OR5AK2: variants seen among roughly 807,000 people sequenced by gnomAD.
The protein encoded by OR5AK2 is olfactory receptor 5AK2.
For missense variants in OR5AK2, 438 were observed against 366.3 expected (o/e 1.20, Z -1.60); for synonymous variants, 176 against 128.2 (o/e 1.37, Z -2.52).
In OR5AK2 at chr11:56,989,717, G is replaced by A. The variant is rs778709287; in HGVS notation, c.804G>A (p.Gln268=). 1.2e-6 allele frequency: 2 copies of A among 1,613,516 alleles called. No homozygotes were observed. The highest frequency in any genetic ancestry group is 1.7e-6 in the Non-Finnish European group (2 of 1,179,558). Residue 268 remains glutamine (Q), a synonymous_variant, in exon 1 of 1, where the codon CAG becomes CAA. Coordinates refer to ENST00000326855, the MANE Select transcript of OR5AK2 (RefSeq NM_001005323.1). ...TGCAGTCTCATTCTAATAATTCCCAGGAAAATATGAAAGTGGCCTTTATAT... is the reference window on the plus strand; with the variant it reads ...TGCAGTCTCATTCTAATAATTCCCAAGAAAATATGAAAGTGGCCTTTATAT... The part of the protein sequence containing the change: ...MYLQSHSNNS[Q]ENMKVAFIFY...
In OR5AK2 at chr11:56,989,550, G is replaced by C; in HGVS notation, c.637G>C (p.Val213Leu). ...ATCTAACTTGATATTCACTGGGTTG[G>C]TCGTCATCTTTTCCTACATCTACAT... ...VGSNLIFTGL[V>L]VIFSYIYIMA... The change falls in exon 1 of 1, where the codon GTC becomes CTC. Residue 213 changes from valine (V) to leucine (L), a missense_variant. Coordinates refer to ENST00000326855, the MANE Select transcript of OR5AK2 (RefSeq NM_001005323.1). 1 of 1,614,016 alleles carries C rather than the reference G, an allele frequency of 6.2e-7. No individual in the cohort carries two copies. The highest frequency in any genetic ancestry group is 8.5e-7 in the Non-Finnish European group (1 of 1,179,962).
chr11:56,989,405 T>C lies in OR5AK2; in HGVS notation c.492T>C (p.Cys164=). The C allele has an allele frequency of 1.2e-6, 2 of 1,614,174 alleles. No individual in the cohort carries two copies. The highest frequency in any genetic ancestry group is 1.7e-6 in the Non-Finnish European group (2 of 1,180,000). The change falls in exon 1 of 1, where the codon TGT becomes TGC. Residue 164 remains cysteine (C), a synonymous_variant. Transcript: ENST00000326855. ...INASVQTGFT[C]SLSFCKSNSI... is the part of the protein sequence containing the mutation. The stretch of plus-strand genomic sequence containing the variant: ...CCTCTGTACAAACAGGTTTTACATG[T>C]TCACTGTCCTTCTGCAAGTCCAATA...
rs368557075 is a variant in OR5AK2 at position 56,989,511 on chromosome 11, G to A, written c.598G>A (p.Val200Ile). Residue 200 changes from valine (V) to isoleucine (I), a missense_variant, in exon 1 of 1, where the codon GTT becomes ATT. Physicochemically the swap from Val to Ile is conservative, Grantham distance 29. Coordinates refer to ENST00000326855, the MANE Select transcript of OR5AK2 (RefSeq NM_001005323.1). ...TGTTGACATCAACATCATGCTACTT[G>A]TTGTCTTTGTGGGATCTAACTTGAT... ...SNVDINIMLLVVFVGSNLIFT... is the reference protein window; with the variant it reads ...SNVDINIMLLIVFVGSNLIFT... 7 of 1,613,952 alleles carry A rather than the reference G, an allele frequency of 4.3e-6. No individual in the cohort carries two copies. The highest frequency in any genetic ancestry group is 5.9e-6 in the Non-Finnish European group (7 of 1,179,978).
rs142758369 is a variant in OR5AK2, at chr11:56,989,553, G to A, written c.640G>A (p.Val214Ile). 807 of 1,613,994 alleles carry A rather than the reference G, an allele frequency of 5.0e-4. 6 individuals carry two copies. In the African/African-American group the frequency reaches 9.1e-3, roughly 18 times the overall value. The change falls in exon 1 of 1, where the codon GTC becomes ATC. Residue 214 changes from valine (V) to isoleucine (I), a missense_variant. Coordinates refer to ENST00000326855, the MANE Select transcript of OR5AK2 (RefSeq NM_001005323.1). The stretch of plus-strand genomic sequence containing the variant: ...TAACTTGATATTCACTGGGTTGGTC[G>A]TCATCTTTTCCTACATCTACATCAT... Reference protein sequence around the residue: ...GSNLIFTGLVVIFSYIYIMAT... With the variant: ...GSNLIFTGLVIIFSYIYIMAT...
At position 56,989,047 on chromosome 11, in the gene OR5AK2, T is replaced by C. The variant is rs778681599; in HGVS notation, c.134T>C (p.Ile45Thr). Residue 45 changes from isoleucine to threonine, a missense_variant, in exon 1 of 1, where the codon ATA (isoleucine) becomes ACA (threonine). Physicochemically the swap from Ile to Thr is moderately conservative, Grantham distance 89. Transcript: ENST00000326855. ...ACCTCCATAATGGGTAATAGTGGAA[T>C]AATCTTACTCATCAACACAGATTCC... is the stretch of plus-strand genomic sequence containing the variant. ...YVTSIMGNSG[I>T]ILLINTDSRF... The C allele has an allele frequency of 8.7e-6, 14 of 1,613,362 alleles. No homozygotes were observed. Among genetic ancestry groups the C allele is most frequent in the African/African-American group, 1.3e-5 (1 of 74,922 alleles).
chr11:56,989,192 A>G lies in OR5AK2; in HGVS notation c.279A>G (p.Leu93=), dbSNP rs750789364. ...QSFTEEKNLM[L]FQGCVIQFLV... is the part of the protein sequence containing the mutation. The stretch of plus-strand genomic sequence containing the variant: ...TCACAGAAGAAAAGAATTTGATGTT[A>G]TTTCAGGGCTGTGTGATACAATTCT... Residue 93 remains leucine, a synonymous_variant, in exon 1 of 1, where the codon TTA becomes TTG. Transcript: ENST00000326855. 59 of 1,613,966 alleles carry G rather than the reference A, an allele frequency of 3.7e-5. No homozygotes were observed. Among genetic ancestry groups the G allele is most frequent in the Non-Finnish European group, 4.7e-5 (56 of 1,179,966 alleles).
rs1408520323 is a variant in OR5AK2, at chr11:56,989,053, T to C, written c.140T>C (p.Leu47Ser). 6 of 1,613,956 alleles carry C rather than the reference T, an allele frequency of 3.7e-6. No individual in the cohort carries two copies. The highest frequency in any genetic ancestry group is 5.1e-6 in the Non-Finnish European group (6 of 1,179,826). ...TSIMGNSGII[L>S]LINTDSRFQT... ...ATAATGGGTAATAGTGGAATAATCT[T>C]ACTCATCAACACAGATTCCAGATTT... Residue 47 changes from leucine to serine, a missense_variant, in exon 1 of 1, where the codon TTA (leucine) becomes TCA (serine). Coordinates refer to ENST00000326855, the MANE Select transcript of OR5AK2 (RefSeq NM_001005323.1).
rs1205745440 is a variant in OR5AK2 at position 56,989,240 on chromosome 11, C to T, written c.327C>T (p.Thr109=). ...IQFLVYATFA[T]SDCYLLAMMA... is the part of the protein sequence containing the mutation. ...TCTTAGTTTATGCAACATTTGCAAC[C>T]AGTGACTGTTATCTCCTGGCTATGA... The change falls in exon 1 of 1, where the codon ACC becomes ACT. Residue 109 remains threonine (T), a synonymous_variant. Transcript: ENST00000326855. The T allele has an allele frequency of 6.2e-7, 1 of 1,613,952 alleles. No homozygotes were observed. The highest frequency in any genetic ancestry group is 8.5e-7 in the Non-Finnish European group (1 of 1,179,846).
At position 56,989,834 on chromosome 11, in the gene OR5AK2, GTTA is replaced by G; in HGVS notation, c.924_926del (p.Leu308del). On this transcript the variant is annotated inframe_deletion, in exon 1 of 1. Transcript: ENST00000326855. ...AAGCTTTAAAAGTGATAGGGAAAAA[GTTA>G]TTTTAAATCAGCCCCAGTTGTTAAC... The G allele has an allele frequency of 6.4e-7, 1 of 1,568,486 alleles. No homozygotes were observed. The highest frequency in any genetic ancestry group is 8.7e-7 in the Non-Finnish European group (1 of 1,154,504).
Position 56,989,543 on chromosome 11 carries a change from T to C in OR5AK2, c.630T>C (p.Thr210=), listed in dbSNP as rs142732231. 400 of 1,614,170 alleles carry C rather than the reference T, an allele frequency of 2.5e-4. 1 individual carries two copies. In the African/African-American group the frequency reaches 5.0e-3, roughly 20 times the overall value. ...VVFVGSNLIF[T]GLVVIFSYIY... ...TTGTGGGATCTAACTTGATATTCACTGGGTTGGTCGTCATCTTTTCCTACA... is the reference window on the plus strand; with the variant it reads ...TTGTGGGATCTAACTTGATATTCACCGGGTTGGTCGTCATCTTTTCCTACA... Residue 210 remains threonine (T), a synonymous_variant, in exon 1 of 1, where the codon ACT becomes ACC. Transcript: ENST00000326855.
Position 56,989,798 on chromosome 11 carries a change from G to C in OR5AK2, c.885G>C (p.Lys295Asn). Residue 295 changes from lysine (K) to asparagine (N), a missense_variant, in exon 1 of 1, where the codon AAG becomes AAC. Lys to Asn is a moderately conservative substitution (Grantham distance 94). Coordinates refer to ENST00000326855, the MANE Select transcript of OR5AK2 (RefSeq NM_001005323.1). ...CTTTAATCTATAGCTTGAGAAATAA[G>C]GAAGTAAAAGAAGCTTTAAAAGTGA... ...LNPLIYSLRN[K>N]EVKEALKVIG... 1 of 1,605,370 alleles carries C rather than the reference G, an allele frequency of 6.2e-7. No homozygotes were observed. Among genetic ancestry groups the C allele is most frequent in the Non-Finnish European group, 8.5e-7 (1 of 1,176,386 alleles).
In OR5AK2 at chr11:56,988,987, G is replaced by T; in HGVS notation, c.74G>T (p.Cys25Phe). ...TTTGGTGCCCAGCATGAGTTTTGGT[G>T]TATCCTCTTCATTGTATTCCTTCTC... ...LGFGAQHEFWCILFIVFLLIY... is the reference protein window; with the variant it reads ...LGFGAQHEFWFILFIVFLLIY... The change falls in exon 1 of 1, where the codon TGT becomes TTT. Residue 25 changes from cysteine to phenylalanine, a missense_variant. Transcript: ENST00000326855. The T allele has an allele frequency of 6.2e-7, 1 of 1,613,730 alleles. No homozygotes were observed. The highest frequency in any genetic ancestry group is 8.5e-7 in the Non-Finnish European group (1 of 1,179,724).
In OR5AK2 at chr11:56,989,238, A is replaced by G; in HGVS notation, c.325A>G (p.Thr109Ala). 1 of 1,614,038 alleles carries G rather than the reference A, an allele frequency of 6.2e-7. No individual in the cohort carries two copies. Among genetic ancestry groups the G allele is most frequent in the Non-Finnish European group, 8.5e-7 (1 of 1,179,892 alleles). ...ATTCTTAGTTTATGCAACATTTGCA[A>G]CCAGTGACTGTTATCTCCTGGCTAT... is the stretch of plus-strand genomic sequence containing the variant. ...IQFLVYATFA[T>A]SDCYLLAMMA... Residue 109 changes from threonine to alanine, a missense_variant, in exon 1 of 1, where the codon ACC becomes GCC. Transcript: ENST00000326855.
chr11:56,989,652 G>A lies in OR5AK2; in HGVS notation c.739G>A (p.Ala247Thr), dbSNP rs539655163. The part of the protein sequence containing the change: ...SFSTCASHLT[A>T]VTIFYGTLSY... ...CTCAACATGTGCTTCCCACCTGACCGCAGTCACCATTTTCTATGGGACACT... is the reference window on the plus strand; with the variant it reads ...CTCAACATGTGCTTCCCACCTGACCACAGTCACCATTTTCTATGGGACACT... The change falls in exon 1 of 1, where the codon GCA (alanine) becomes ACA (threonine). Residue 247 changes from alanine to threonine, a missense_variant. Physicochemically the swap from Ala to Thr is moderately conservative, Grantham distance 58. Coordinates refer to ENST00000326855, the MANE Select transcript of OR5AK2 (RefSeq NM_001005323.1). 28 of 1,613,900 alleles carry A rather than the reference G, an allele frequency of 1.7e-5. No homozygotes were observed. The highest frequency in any genetic ancestry group is 1.3e-4 in the East Asian group (6 of 44,876).
In OR5AK2 at chr11:56,989,337, A is replaced by G. The variant is rs995280882; in HGVS notation, c.424A>G (p.Ile142Val). 4.3e-6 allele frequency: 7 copies of G among 1,614,026 alleles called. No individual in the cohort carries two copies. The highest frequency in any genetic ancestry group is 5.9e-6 in the Non-Finnish European group (7 of 1,179,998). The change falls in exon 1 of 1, where the codon ATC (isoleucine) becomes GTC (valine). Residue 142 changes from isoleucine (I) to valine (V), a missense_variant. Transcript: ENST00000326855. ...YTVIMSRTVC[I>V]RLVAGSYIMG... is the part of the protein sequence containing the mutation. ...TGTAATCATGTCCCGAACAGTCTGC[A>G]TCCGTTTGGTAGCTGGTTCATACAT...
chr11:56,989,622 T>C lies in OR5AK2; in HGVS notation c.709T>C (p.Ser237Pro), dbSNP rs754709900. The C allele has an allele frequency of 3.7e-6, 6 of 1,614,040 alleles. No individual in the cohort carries two copies. In the East Asian group the frequency reaches 1.1e-4, roughly 30 times the overall value. The change falls in exon 1 of 1, where the codon TCC becomes CCC. Residue 237 changes from serine (S) to proline (P), a missense_variant. By Grantham distance (74) the Ser-to-Pro change is moderately conservative. Coordinates refer to ENST00000326855, the MANE Select transcript of OR5AK2 (RefSeq NM_001005323.1). ...GTCTTCTAGTGCAGGAAGGAAAAAA[T>C]CCTTCTCAACATGTGCTTCCCACCT... is the stretch of plus-strand genomic sequence containing the variant. ...KMSSSAGRKK[S>P]FSTCASHLTA...
In OR5AK2 at chr11:56,989,289, A is replaced by G; in HGVS notation, c.376A>G (p.Ile126Val). 1 of 1,614,152 alleles carries G rather than the reference A, an allele frequency of 6.2e-7. No homozygotes were observed. The highest frequency in any genetic ancestry group is 8.5e-7 in the Non-Finnish European group (1 of 1,180,010). The part of the protein sequence containing the change: ...AMMAVDPYVA[I>V]CKPLHYTVIM... ...GATGGCAGTGGATCCTTATGTTGCCATCTGTAAGCCCCTTCACTATACTGT... is the reference window on the plus strand; with the variant it reads ...GATGGCAGTGGATCCTTATGTTGCCGTCTGTAAGCCCCTTCACTATACTGT... The change falls in exon 1 of 1, where the codon ATC (isoleucine) becomes GTC (valine). Residue 126 changes from isoleucine (I) to valine (V), a missense_variant. Physicochemically the swap from Ile to Val is conservative, Grantham distance 29. Coordinates refer to ENST00000326855, the MANE Select transcript of OR5AK2 (RefSeq NM_001005323.1).
In OR5AK2 at chr11:56,989,142, A is replaced by T; in HGVS notation, c.229A>T (p.Ile77Phe). ...TGTTGATATCTGTTACACTTCTGCT[A>T]TCACTCCCAAGATGCTCCAAAGCTT... is the stretch of plus-strand genomic sequence containing the variant. The part of the protein sequence containing the change: ...AFVDICYTSA[I>F]TPKMLQSFTE... The change falls in exon 1 of 1, where the codon ATC becomes TTC. Residue 77 changes from isoleucine (I) to phenylalanine (F), a missense_variant. Coordinates refer to ENST00000326855, the MANE Select transcript of OR5AK2 (RefSeq NM_001005323.1). The T allele has an allele frequency of 6.2e-7, 1 of 1,613,878 alleles. No individual in the cohort carries two copies. Among genetic ancestry groups the T allele is most frequent in the Non-Finnish European group, 8.5e-7 (1 of 1,179,776 alleles).
rs749356154 is a variant in OR5AK2, at chr11:56,989,431, G to A, written c.518G>A (p.Ser173Asn). 11 of 1,614,014 alleles carry A rather than the reference G, an allele frequency of 6.8e-6. No homozygotes were observed. The highest frequency in any genetic ancestry group is 2.2e-5 in the East Asian group (1 of 44,894). Residue 173 changes from serine (S) to asparagine (N), a missense_variant, in exon 1 of 1, where the codon AGC becomes AAC. Transcript: ENST00000326855. The part of the protein sequence containing the change: ...TCSLSFCKSN[S>N]INHFFCDVPP... ...TCACTGTCCTTCTGCAAGTCCAATA[G>A]CATCAATCACTTTTTCTGTGATGTT...
Sources: allele counts gnomAD v4.1 joint callset, GRCh38; gene constraint gnomAD v4.1.1; transcripts MANE v1.5; gene names NCBI Gene and HGNC (gene_info 2026-07-23, HGNC 2026-07-21).